The following SSH3 variants were observed in gnomAD, a reference collection of about 807,000 sequenced individuals.
The protein encoded by SSH3 is slingshot protein phosphatase 3, also known as protein phosphatase Slingshot homolog 3.
A neutral mutation model predicts 75.0 loss-of-function variants in SSH3; 67 were observed. The observed-to-expected ratio is 0.89, with a 90% CI of 0.73 to 1.10. The LOEUF (loss-of-function observed/expected upper bound fraction) is 1.10. Among genes scored for constraint, SSH3 ranks in the 50% least tolerant of loss-of-function variants. SSH3 has a pLI of 0.00. For synonymous variants in SSH3, 318 were observed against 349.2 expected, an observed-to-expected ratio of 0.91 and a Z score of 1.00; for missense variants, 824 against 872.7, an observed-to-expected ratio of 0.94 and a Z score of 0.70.
Position 67,303,539 on chromosome 11 carries a change from T to C in SSH3, c.-87T>C. On this transcript the variant is annotated 5_prime_UTR_variant, in exon 1 of 14. Transcript: ENST00000308127. ...AGGCCCGGGTGGCGCCGTCCGTCCT[T>C]CCTGGTCCTGCGGGTCCAGGACTGT... is the stretch of plus-strand genomic sequence containing the variant. 1 of 1,372,714 alleles carries C rather than the reference T, an allele frequency of 7.3e-7. No homozygotes were observed. The highest frequency in any genetic ancestry group is 9.8e-7 in the Non-Finnish European group (1 of 1,023,720). 85.0% of individuals were successfully genotyped at this position (1,372,714 alleles called of 1,614,324 possible).
chr11:67,312,057 C>A lies in SSH3; in HGVS notation c.*170C>A. ...ACGGCCTCACCTCCCACCCCTGTCA[C>A]TACAGCCTCACCTCCTACAGCCTTA... is the stretch of plus-strand genomic sequence containing the variant. On this transcript the variant is annotated 3_prime_UTR_variant, in exon 14 of 14. Transcript: ENST00000308127. 2 of 865,640 alleles carry A rather than the reference C, an allele frequency of 2.3e-6. No individual in the cohort carries two copies. Among genetic ancestry groups the A allele is most frequent in the Non-Finnish European group, 3.4e-6 (2 of 588,800 alleles). 53.6% of individuals were successfully genotyped at this position (865,640 alleles called of 1,614,324 possible). A position where few individuals can be genotyped will look rare whatever the true frequency, so the allele number is the denominator to read the frequency against.
Position 67,308,234 on chromosome 11 carries a change from G to T in SSH3, c.946G>T (p.Asp316Tyr). 6.2e-7 allele frequency: 1 copy of T among 1,614,142 alleles called. No homozygotes were observed. The highest frequency in any genetic ancestry group is 8.5e-7 in the Non-Finnish European group (1 of 1,180,036). Reference protein sequence around the residue: ...LPLQQYRDFIDNQMLLLVAQR... With the variant: ...LPLQQYRDFIYNQMLLLVAQR... ...CCTCCAGCAGTACCGTGACTTCATC[G>T]ACAACCAGATGCTGCTGCTGGTGGC... The change falls in exon 9 of 14, where the codon GAC (aspartate) becomes TAC (tyrosine). Residue 316 changes from aspartate to tyrosine, a missense_variant. Coordinates refer to ENST00000308127, the MANE Select transcript of SSH3 (RefSeq NM_017857.4). This position sits in a 1 kb window ranked among gnomAD's most constrained non-coding sequence, Gnocchi z 4.9.
At chr11:67,306,694 T>C (rs555327507) in intron 3 of SSH3, 144 bp from the exon 4 acceptor site, 1 of 1,033,358 alleles carries the variant, frequency 9.7e-7, no homozygotes, top group African/African-American at 1.6e-5. Context: ...ACACAGTCCC[T>C]CTTTACCCAC....
In SSH3 at chr11:67,306,830, C is replaced by G. The variant is rs760608191; in HGVS notation, c.340-8C>G. 6.2e-7 allele frequency: 1 copy of G among 1,605,600 alleles called. No individual in the cohort carries two copies. The highest frequency in any genetic ancestry group is 1.3e-5 in the African/African-American group (1 of 74,738). On this transcript the variant is annotated splice_polypyrimidine_tract_variant and splice_region_variant and intron_variant, in intron 3 of 13. Transcript: ENST00000308127. ...CACTGTGACCCTGGGTTCCTCATCT[C>G]CCCCCAGGCAGCCCAGCTGGAGGCA... is the stretch of plus-strand genomic sequence containing the variant.
rs376566798 is a variant in SSH3, at chr11:67,307,814, A to G, written c.792-32A>G. On this transcript the variant is annotated intron_variant, in intron 7 of 13. Transcript: ENST00000308127. The surrounding 1 kb of genome is among the most constrained non-coding windows in gnomAD (Gnocchi z 4.2). ...GTGGGGGGCATGGTGGAGAGGGGAAAGGGCCCCTTGACTGAGGGGCTCTGC... is the reference window on the plus strand; with the variant it reads ...GTGGGGGGCATGGTGGAGAGGGGAAGGGGCCCCTTGACTGAGGGGCTCTGC... 13 of 1,613,962 alleles carry G rather than the reference A, an allele frequency of 8.1e-6. No homozygotes were observed. In the Admixed American group the frequency reaches 1.2e-4, roughly 14 times the overall value.
chr11:67,312,242 C>CTTGATCTATATCTCTGTTTTG lies in SSH3; in HGVS notation c.*355_*356insTTGATCTATATCTCTGTTTTG. The CTTGATCTATATCTCTGTTTTG allele has an allele frequency of 3.7e-6, 1 of 273,630 alleles. No individual in the cohort carries two copies. The highest frequency in any genetic ancestry group is 6.9e-6 in the Non-Finnish European group (1 of 144,724). The allele number at this position is 273,630 out of a possible 1,614,324, so 17.0% of individuals were successfully genotyped here. A position where few individuals can be genotyped will look rare whatever the true frequency, so the allele number is the denominator to read the frequency against. ...GGCACGGAATGAAAACAGAGCTTCC[C>CTTGATCTATATCTCTGTTTTG]GTGCAAAAAGGGTCACGCCTCCCAC... On this transcript the variant is annotated 3_prime_UTR_variant, in exon 14 of 14. Transcript: ENST00000308127.
In SSH3 at chr11:67,309,802, A is replaced by G; in HGVS notation, c.1243A>G (p.Met415Val). The change falls in exon 12 of 14, where the codon ATG (methionine) becomes GTG (valine). Residue 415 changes from methionine to valine, a missense_variant. Coordinates refer to ENST00000308127, the MANE Select transcript of SSH3 (RefSeq NM_017857.4). Reference sequence around the variant, plus strand: ...CACCCACGTGCTGGTCCACTGCAAGATGGGCGTCAGCCGCTCAGCGGCCAC... The same window carrying G: ...CACCCACGTGCTGGTCCACTGCAAGGTGGGCGTCAGCCGCTCAGCGGCCAC... ...QGTHVLVHCKMGVSRSAATVL... is the reference protein window; with the variant it reads ...QGTHVLVHCKVGVSRSAATVL... 2 of 1,613,326 alleles carry G rather than the reference A, an allele frequency of 1.2e-6. No individual in the cohort carries two copies. The highest frequency in any genetic ancestry group is 2.2e-5 in the South Asian group (2 of 91,092).
chr11:67,310,860 G>A (rs886681654), intron 13 of SSH3, among the ~76,000 whole-genome samples: 3 of 152,194 alleles, frequency 2.0e-5, no homozygotes, highest in Admixed American at 6.5e-5. Context: ...ATGGTGGGGA[G>A]GCTAAATTAA....
intron 3 of SSH3, among the ~76,000 whole-genome samples, chr11:67,306,567 C>A (rs965100909): frequency 1.3e-5 from 2 of 152,252 alleles, no homozygotes; most frequent in African/African-American, 4.8e-5. Flanking sequence ...TGCCACTGTA[C>A]TCCAGCCTGG....
chr11:67,307,237 C>A lies in SSH3; in HGVS notation c.536+124C>A. 6.4e-7 allele frequency: 1 copy of A among 1,553,686 alleles called. No individual in the cohort carries two copies. ...CTGGGACTCTGGGGCCTGCTCCCAGCTCCACGTCAGATTCACCGTGATCCT... is the reference window on the plus strand; with the variant it reads ...CTGGGACTCTGGGGCCTGCTCCCAGATCCACGTCAGATTCACCGTGATCCT... On this transcript the variant is annotated intron_variant, in intron 5 of 13. Transcript: ENST00000308127. The surrounding 1 kb of genome is among the most constrained non-coding windows in gnomAD (Gnocchi z 4.2).
Position 67,310,352 on chromosome 11 carries a change from CTG to C in SSH3, c.1683+14_1683+15del. The C allele has an allele frequency of 6.3e-7, 1 of 1,591,156 alleles. No individual in the cohort carries two copies. The highest frequency in any genetic ancestry group is 8.6e-7 in the Non-Finnish European group (1 of 1,167,136). On this transcript the variant is annotated intron_variant, in intron 13 of 13. Transcript: ENST00000308127. Reference sequence around the variant, plus strand: ...TGACATGCCAGAGGTGAGGCTGGGGCTGGGGGAGCTCAGCTTGCAGGGGTGGG... The same window carrying C: ...TGACATGCCAGAGGTGAGGCTGGGGCGGGGAGCTCAGCTTGCAGGGGTGGG...
rs545788712 is a variant in SSH3 at position 67,311,734 on chromosome 11, T to G, written c.1827T>G (p.Ser609Arg). The G allele has an allele frequency of 1.2e-6, 2 of 1,613,866 alleles. No homozygotes were observed. Among genetic ancestry groups the G allele is most frequent in the East Asian group, 2.2e-5 (1 of 44,860 alleles). The change falls in exon 14 of 14, where the codon AGT (serine) becomes AGG (arginine). Residue 609 changes from serine to arginine, a missense_variant. Physicochemically the swap from Ser to Arg is moderately radical, Grantham distance 110. Transcript: ENST00000308127. ...AGTCAGTGGTTACCCTCCAGGGCAG[T>G]GCCGTGGTGGCCAACCGGACCCAGG... Reference protein sequence around the residue: ...SRQSVVTLQGSAVVANRTQAF... With the variant: ...SRQSVVTLQGRAVVANRTQAF...
chr11:67,307,140 G>A lies in SSH3; in HGVS notation c.536+27G>A, dbSNP rs1590885214. Reference sequence around the variant, plus strand: ...TAAGCAATGGCAACTGGAGGTGGGGGCTGGAGGGTGGAATAACTGAGTGTG... The same window carrying A: ...TAAGCAATGGCAACTGGAGGTGGGGACTGGAGGGTGGAATAACTGAGTGTG... On this transcript the variant is annotated intron_variant, in intron 5 of 13. Transcript: ENST00000308127. The surrounding 1 kb of genome is among the most constrained non-coding windows in gnomAD (Gnocchi z 4.2). 1.9e-6 allele frequency: 3 copies of A among 1,611,070 alleles called. No homozygotes were observed. The highest frequency in any genetic ancestry group is 1.7e-5 in the Admixed American group (1 of 59,954).
At position 67,312,221 on chromosome 11, in the gene SSH3, C is replaced by T. The variant is rs373558552; in HGVS notation, c.*334C>T. Reference sequence around the variant, plus strand: ...TAGCCCTGCACACTCACCTGTGGCACGGAATGAAAACAGAGCTTCCCGTGC... The same window carrying T: ...TAGCCCTGCACACTCACCTGTGGCATGGAATGAAAACAGAGCTTCCCGTGC... On this transcript the variant is annotated 3_prime_UTR_variant, in exon 14 of 14. Transcript: ENST00000308127. 4.8e-5 allele frequency: 16 copies of T among 336,126 alleles called. 1 individual carries two copies. Among genetic ancestry groups the T allele is most frequent in the South Asian group, 1.9e-4 (5 of 26,060 alleles). 20.8% of individuals were successfully genotyped at this position (336,126 alleles called of 1,614,324 possible). A position where few individuals can be genotyped will look rare whatever the true frequency, so the allele number is the denominator to read the frequency against.
At position 67,310,146 on chromosome 11, in the gene SSH3, TC is replaced by T; in HGVS notation, c.1493del (p.Pro498HisfsTer16). 1.2e-6 allele frequency: 2 copies of T among 1,614,184 alleles called. No individual in the cohort carries two copies. Among genetic ancestry groups the T allele is most frequent in the Middle Eastern group, 3.3e-4 (2 of 6,062 alleles). On this transcript the variant is annotated frameshift_variant, in exon 13 of 14. Transcript: ENST00000308127. ...EHPAPEVSTP[F>X]PPLPPEPEGG... Reference sequence around the variant, plus strand: ...CCAGCCCCTGAAGTCTCTACACCATTCCCACCTCTTCCGCCAGAACCTGAGG... The same window carrying T: ...CCAGCCCCTGAAGTCTCTACACCATTCCACCTCTTCCGCCAGAACCTGAGG...
At position 67,304,894 on chromosome 11, in the gene SSH3, G is replaced by C. The variant is rs754715773; in HGVS notation, c.226G>C (p.Gly76Arg). The change falls in exon 3 of 14, where the codon GGG becomes CGG. Residue 76 changes from glycine (G) to arginine (R), a missense_variant. By Grantham distance (125) the Gly-to-Arg change is moderately radical. Coordinates refer to ENST00000308127, the MANE Select transcript of SSH3 (RefSeq NM_017857.4). ...GGCCCCGAGTGAGGAGGAGCTCCAC[G>C]GGGACCAGACAGACTTCGGGCAAGG... is the stretch of plus-strand genomic sequence containing the variant. ...EKAPSEEELH[G>R]DQTDFGQGSQ... The C allele has an allele frequency of 1.9e-6, 3 of 1,613,860 alleles. No homozygotes were observed. The highest frequency in any genetic ancestry group is 1.7e-5 in the Admixed American group (1 of 60,012).
intron 3 of SSH3, 46 bp from the exon 4 acceptor site, chr11:67,306,792 G>C: frequency 1.3e-6 from 2 of 1,565,222 alleles, no homozygotes. Flanking sequence ...GTGGGGAGCA[G>C]GGTCCTTGGG....
Position 67,308,266 on chromosome 11 carries a change from G to A in SSH3, c.978G>A (p.Arg326=). 1 of 1,614,142 alleles carries A rather than the reference G, an allele frequency of 6.2e-7. No individual in the cohort carries two copies. Among genetic ancestry groups the A allele is most frequent in the Non-Finnish European group, 8.5e-7 (1 of 1,180,034 alleles). The change falls in exon 9 of 14, where the codon CGG becomes CGA. Residue 326 remains arginine, a synonymous_variant. Transcript: ENST00000308127. This position sits in a 1 kb window ranked among gnomAD's most constrained non-coding sequence, Gnocchi z 4.9. The part of the protein sequence containing the change: ...DNQMLLLVAQ[R]DRASRIFPHL... ...AGATGCTGCTGCTGGTGGCACAGCGGGACCGAGCCTCCCGCATCTTCCCCC... is the reference window on the plus strand; with the variant it reads ...AGATGCTGCTGCTGGTGGCACAGCGAGACCGAGCCTCCCGCATCTTCCCCC...
At position 67,306,964 on chromosome 11, in the gene SSH3, T is replaced by C; in HGVS notation, c.464+2T>C. 6.2e-7 allele frequency: 1 copy of C among 1,612,068 alleles called. No homozygotes were observed. The highest frequency in any genetic ancestry group is 2.2e-5 in the East Asian group (1 of 44,794). On this transcript the variant is annotated splice_donor_variant, in intron 4 of 13. Coordinates refer to ENST00000308127, the MANE Select transcript of SSH3 (RefSeq NM_017857.4). LOFTEE classifies it high-confidence loss of function. ...GGGCGTGGATTTCCCTGACAGCAGG[T>C]TCGAGCAGGGAGAGGAAAGGAGGGG...
Sources: allele counts gnomAD v4.1 joint callset (sites outside exome capture counted in the v4.1 genomes callset), GRCh38; gene constraint gnomAD v4.1.1; non-coding constraint Gnocchi (gnomAD v3.1); transcripts MANE v1.5; gene names NCBI Gene and HGNC (gene_info 2026-07-23, HGNC 2026-07-21).